The following LRFN5 variants were observed in gnomAD, a reference collection of about 807,000 sequenced individuals.
LRFN5 encodes the protein leucine rich repeat and fibronectin type III domain containing 5.
A neutral mutation model predicts 45.6 loss-of-function variants in LRFN5; 24 were observed. The ratio of observed to expected loss-of-function variants is 0.53; its 90% CI spans 0.38 to 0.74. The LOEUF is 0.74. Ranked by LOEUF, LRFN5 falls within the 30% of genes least tolerant of loss-of-function variation. The probability of loss-of-function intolerance (pLI) is 0.00; values close to 1 mark genes in which losing one functional copy is unlikely to be tolerated. For missense variants in LRFN5, 776 were observed against 861.5 expected, an observed-to-expected ratio of 0.90 and a Z score of 1.24; for synonymous variants, 340 against 313.8, an observed-to-expected ratio of 1.08 and a Z score of -0.88.
At chr14:41,668,791 A>T (rs1032952364) in intron 1 of LRFN5, among the ~76,000 whole-genome samples, 1 of 152,136 alleles carries the variant, frequency 6.6e-6, no homozygotes, top group Non-Finnish European at 1.5e-5. Context: ...CATTTTTGTA[A>T]TAATTGGATA....
intron 2 of LRFN5, among the ~76,000 whole-genome samples, chr14:41,864,527 G>A (rs1889775960): frequency 6.6e-6 from 1 of 151,976 alleles, no homozygotes; most frequent in South Asian, 2.1e-4. Flanking sequence ...CTTTTATAGC[G>A]ACATGAGTTA....
chr14:41,791,998 C>T (rs1228053802), intron 2 of LRFN5, among the ~76,000 whole-genome samples: 1 of 152,034 alleles, frequency 6.6e-6, no homozygotes, highest in Non-Finnish European at 1.5e-5. Context: ...GGGGAATCCG[C>T]CCCCAATATT....
At chr14:41,725,140 T>G (rs1883877901) in intron 1 of LRFN5, among the ~76,000 whole-genome samples, 1 of 152,158 alleles carries the variant, frequency 6.6e-6, no homozygotes, top group Admixed American at 6.5e-5. Flanking sequence ...ATTCTCTCAT[T>G]TATGCTTTAT....
At chr14:41,647,624 G>T (rs1423890411) in intron 1 of LRFN5, among the ~76,000 whole-genome samples, 1 of 152,108 alleles carries the variant, frequency 6.6e-6, no homozygotes, top group Non-Finnish European at 1.5e-5. Flanking sequence ...TTTTAACAAG[G>T]GTAAGAAAGG....
chr14:41,749,522 T>C (rs1388029574), intron 1 of LRFN5, among the ~76,000 whole-genome samples: 2 of 152,144 alleles, frequency 1.3e-5, no homozygotes, highest in African/African-American at 4.8e-5. Flanking sequence ...TGCGGGAACA[T>C]GGAAGGAGCT....
chr14:41,894,841 CTCTG>C (rs1270700923), intron 4 of LRFN5: 29 of 980,896 alleles, frequency 3.0e-5, no homozygotes, highest in Non-Finnish European at 3.1e-5. Context: ...GCAACAAATT[CTCTG>C]TCCTTTTCTT....
intron 2 of LRFN5, among the ~76,000 whole-genome samples, chr14:41,863,577 A>G (rs570707754): frequency 6.6e-6 from 1 of 152,202 alleles, no homozygotes; most frequent in Non-Finnish European, 1.5e-5. Flanking sequence ...TGCATATTTT[A>G]TAGACGTTTT....
chr14:41,785,136 T>C (rs1886673240), intron 2 of LRFN5, among the ~76,000 whole-genome samples: 1 of 152,152 alleles, frequency 6.6e-6, no homozygotes, highest in South Asian at 2.1e-4. Flanking sequence ...TACTATTTTA[T>C]ATTGTTTGCA....
chr14:41,682,410 T>A (rs1881943612), intron 1 of LRFN5, among the ~76,000 whole-genome samples: 1 of 151,754 alleles, frequency 6.6e-6, no homozygotes, highest in Non-Finnish European at 1.5e-5. Flanking sequence ...AATTTTTTTA[T>A]GGAAAAAACT....
At chr14:41,752,959 G>A (rs1224089641) in intron 1 of LRFN5, among the ~76,000 whole-genome samples, 1 of 152,160 alleles carries the variant, frequency 6.6e-6, no homozygotes, top group East Asian at 1.9e-4. Flanking sequence ...GTAAGGAAGG[G>A]ATCCAGTTTC....
intron 1 of LRFN5, among the ~76,000 whole-genome samples, chr14:41,671,945 C>A (rs1881256871): frequency 6.6e-6 from 1 of 152,128 alleles, no homozygotes; most frequent in South Asian, 2.1e-4. Context: ...ATAGCCAAAT[C>A]TTGATTCAAA....
At chr14:41,816,905 C>A (rs1258777817) in intron 2 of LRFN5, among the ~76,000 whole-genome samples, 1 of 151,252 alleles carries the variant, frequency 6.6e-6, no homozygotes, top group Non-Finnish European at 1.5e-5. Context: ...TCCTGTGACA[C>A]ACATGTTATA....
chr14:41,850,016 A>G (rs1889210196), intron 2 of LRFN5, among the ~76,000 whole-genome samples: 1 of 151,932 alleles, frequency 6.6e-6, no homozygotes, highest in Non-Finnish European at 1.5e-5. Flanking sequence ...TAGAATAGAA[A>G]CAATGACCTA....
intron 1 of LRFN5, among the ~76,000 whole-genome samples, chr14:41,629,054 A>G (rs998561657): frequency 2.0e-5 from 3 of 152,204 alleles, no homozygotes; most frequent in East Asian, 3.8e-4. Flanking sequence ...GTAGATATTT[A>G]TAGATCTATA....
At chr14:41,897,089 A>AAAAT (rs527665190) in intron 4 of LRFN5, among the ~76,000 whole-genome samples, 3,805 of 148,536 alleles carry the variant, frequency 0.026, 66 homozygotes, top group East Asian at 0.033. Context: ...AGACTCTGTC[A>AAAAT]AAATAAATAA....
At chr14:41,658,943 C>A (rs1055815741) in intron 1 of LRFN5, among the ~76,000 whole-genome samples, 1 of 151,910 alleles carries the variant, frequency 6.6e-6, no homozygotes, top group Non-Finnish European at 1.5e-5. Context: ...CTTAATTGTT[C>A]TCTTTTCCTG....
chr14:41,735,105 G>T (rs902449222), intron 1 of LRFN5, among the ~76,000 whole-genome samples: 1 of 151,554 alleles, frequency 6.6e-6, no homozygotes, highest in Non-Finnish European at 1.5e-5. Context: ...AGTTTTACTC[G>T]ACTTATTTTT....
intron 1 of LRFN5, among the ~76,000 whole-genome samples, chr14:41,618,464 G>A (rs1036599373): frequency 2.0e-5 from 3 of 152,190 alleles, no homozygotes; most frequent in African/African-American, 7.2e-5. Flanking sequence ...GGATTCCTCT[G>A]CTGAGGACAG....
chr14:41,654,623 C>T (rs1880289587), intron 1 of LRFN5, among the ~76,000 whole-genome samples: 1 of 151,882 alleles, frequency 6.6e-6, no homozygotes, highest in Non-Finnish European at 1.5e-5. Context: ...ACTAGGAAAA[C>T]TCAATACATT....
Sources: gnomAD v4.1 joint callset for allele counts (sites outside exome capture counted in the v4.1 genomes callset) on GRCh38, gnomAD v4.1.1 for gene constraint, MANE v1.5 for transcripts, NCBI Gene and HGNC (gene_info 2026-07-23, HGNC 2026-07-21) for gene names.